Variants in ATP2B3 observed in about 807,000 individuals in gnomAD.
ATP2B3 encodes the protein plasma membrane calcium-transporting ATPase 3.
In ATP2B3, 12 loss-of-function variants were observed where a neutral mutation model predicts 70.8. The observed-to-expected ratio is 0.17, with a 90% confidence interval of 0.11 to 0.27. The LOEUF (loss-of-function observed/expected upper bound fraction) is 0.27. ATP2B3 is among the 10% of genes least tolerant of loss of function. The pLI, the probability that ATP2B3 is intolerant of heterozygous loss-of-function variation, is 1.00. For synonymous variants in ATP2B3, 460 were observed against 497.8 expected (o/e 0.92, Z 1.01); for missense variants, 858 against 1,118.5 (o/e 0.77, Z 3.32).
chrX:153,518,252 C>A lies in ATP2B3; in HGVS notation c.-246-180C>A, dbSNP rs373227355. On this transcript the variant is annotated intron_variant, in intron 1 of 21. Transcript: ENST00000263519. ...GCCCGCCAGTGCGCACGCACCTTCC[C>A]GGAGCCTCGGGCACCCCCTCCCCCC... Among the ~76,000 whole-genome samples the A allele has an allele frequency of 3.5e-5, 4 of 112,826 alleles. No individual in the cohort carries two copies. In the East Asian group the frequency reaches 1.1e-3, roughly 32 times the overall value.
chrX:153,540,135 T>C (rs2124401314), intron 3 of ATP2B3, among the ~76,000 whole-genome samples: 1 of 112,162 alleles, frequency 8.9e-6, no homozygotes, highest in African/African-American at 3.2e-5. Context: ...GCAGCGTAGG[T>C]TCTGTCCTGA....
At chrX:153,549,364 TG>T in intron 10 of ATP2B3, 132 bp from the exon 11 acceptor site, 1 of 1,130,929 alleles carries the variant, frequency 8.8e-7, no homozygotes, top group African/African-American at 1.8e-5. Context: ...GCTGACCAGG[TG>T]CCCAGTGGGC....
chrX:153,543,226 A>G, intron 7 of ATP2B3, 58 bp downstream of exon 7: 1 of 1,156,944 alleles, frequency 8.6e-7, no homozygotes, highest in East Asian at 3.1e-5. Context: ...CACGCTGCCC[A>G]TTCTTTCTTT....
chrX:153,556,559 C>G, intron 15 of ATP2B3, 141 bp downstream of exon 15: 2 of 653,086 alleles, frequency 3.1e-6, no homozygotes, highest in Non-Finnish European at 4.6e-6. Flanking sequence ...CCCAGAGCAG[C>G]AGGGCAGGGG....
chrX:153,547,616 G>A (rs2090388765), intron 8 of ATP2B3, among the ~76,000 whole-genome samples: 1 of 111,429 alleles, frequency 9.0e-6, no homozygotes. Flanking sequence ...AACCATCTCT[G>A]TCCCACCTAG....
rs782323474 is a variant in ATP2B3, at chrX:153,546,138, C to T, written c.958+9C>T. ...GAGTAGCCAGACCAAAGGTAACGGG[C>T]GCCGCTGCTTGGGCACAACAAGCTT... is the stretch of plus-strand genomic sequence containing the variant. On this transcript the variant is annotated intron_variant, in intron 8 of 21. Coordinates refer to ENST00000263519, the MANE Select transcript of ATP2B3 (RefSeq NM_001001344.3). 6.5e-5 allele frequency: 79 copies of T among 1,208,592 alleles called. No individual in the cohort carries two copies. The highest frequency in any genetic ancestry group is 3.0e-4 in the South Asian group (17 of 56,705).
intron 18 of ATP2B3, 41 bp from the exon 19 acceptor site, chrX:153,560,635 G>T (rs782473892): frequency 8.4e-7 from 1 of 1,188,273 alleles, no homozygotes; most frequent in East Asian, 3.0e-5. Context: ...TGCGTCATGC[G>T]CTGAGATGAC....
intron 2 of ATP2B3, among the ~76,000 whole-genome samples, chrX:153,534,609 C>G (rs2124372477): frequency 8.9e-6 from 1 of 112,716 alleles, no homozygotes; most frequent in South Asian, 3.7e-4. Flanking sequence ...CACATCAAGC[C>G]AGTGCCAGGC....
intron 21 of ATP2B3, among the ~76,000 whole-genome samples, chrX:153,577,032 C>A (rs1183923168): frequency 8.9e-6 from 1 of 112,579 alleles, no homozygotes; most frequent in African/African-American, 3.2e-5. Context: ...CACCAGGACT[C>A]CAGCCAAGCT....
intron 16 of ATP2B3, 102 bp from the exon 17 acceptor site, chrX:153,558,010 G>A: frequency 1.2e-6 from 1 of 821,422 alleles, no homozygotes; most frequent in Non-Finnish European, 1.7e-6. Context: ...TTATTCAGAA[G>A]GGGAGAGCAG....
chrX:153,560,610 C>A, intron 18 of ATP2B3, 66 bp from the exon 19 acceptor site: 1 of 1,131,768 alleles, frequency 8.8e-7, no homozygotes, highest in South Asian at 1.9e-5. Context: ...ACACCGAAGT[C>A]TCGCTCCTGA....
rs150288544 is a variant in ATP2B3, at chrX:153,521,247, G to A, written c.-127+2696G>A. Among the ~76,000 whole-genome samples the A allele has an allele frequency of 2.9e-4, 33 of 113,448 alleles. No homozygotes were observed. The East Asian group carries it at 9.2e-3, about 32-fold the overall frequency. On this transcript the variant is annotated intron_variant, in intron 2 of 21. Transcript: ENST00000263519. ...AAGCCAGGCCAAGCAGCGCCTGGCTGGAAAGCCCTCCCCTGCCTGGGCTCC... is the reference window on the plus strand; with the variant it reads ...AAGCCAGGCCAAGCAGCGCCTGGCTAGAAAGCCCTCCCCTGCCTGGGCTCC...
In ATP2B3 at chrX:153,546,128, A is replaced by G. The variant is rs782413741; in HGVS notation, c.957A>G (p.Lys319=). The G allele has an allele frequency of 1.7e-6, 2 of 1,211,062 alleles. No homozygotes were observed. The highest frequency in any genetic ancestry group is 4.3e-5 in the Admixed American group (2 of 46,049). Residue 319 remains lysine (K), a splice_region_variant and synonymous_variant, in exon 8 of 22, where the codon AAA becomes AAG. Coordinates refer to ENST00000263519, the MANE Select transcript of ATP2B3 (RefSeq NM_001001344.3). ...QDGAMESSQT[K]AKKQDGAVAM... ...GGGCCATGGAGAGTAGCCAGACCAA[A>G]GGTAACGGGCGCCGCTGCTTGGGCA...
intron 21 of ATP2B3, among the ~76,000 whole-genome samples, chrX:153,573,301 A>G (rs2090815577): frequency 8.9e-6 from 1 of 112,187 alleles, no homozygotes; most frequent in African/African-American, 3.2e-5. Context: ...ACTCCTTTCC[A>G]GGGCCCAGGG....
chrX:153,524,395 C>T (rs143317638), intron 2 of ATP2B3, among the ~76,000 whole-genome samples: 1,516 of 111,863 alleles, frequency 0.014, 27 homozygotes, highest in African/African-American at 0.048. Flanking sequence ...GACTACTCAA[C>T]TCTGCATGGT....
In ATP2B3 at chrX:153,548,764, G is replaced by T; in HGVS notation, c.1248G>T (p.Lys416Asn). The T allele has an allele frequency of 8.3e-7, 1 of 1,211,945 alleles. No homozygotes were observed. The highest frequency in any genetic ancestry group is 1.7e-5 in the African/African-American group (1 of 57,822). The change falls in exon 10 of 22, where the codon AAG (lysine) becomes AAT (asparagine). Residue 416 changes from lysine to asparagine, a missense_variant. Around this residue, in one of 5 missense-constraint regions of ATP2B3, gnomAD observed 278 missense variants for 366.2 expected, o/e 0.76. Transcript: ENST00000263519. Reference protein sequence around the residue: ...CTPVYVQYFVKFFIIGVTVLV... With the variant: ...CTPVYVQYFVNFFIIGVTVLV... ...CGGTCTATGTACAATACTTCGTGAA[G>T]TTCTTCATCATTGGTGTCACTGTGC...
At chrX:153,542,145 C>T (rs2090294161) in intron 5 of ATP2B3, among the ~76,000 whole-genome samples, 178 bp from the exon 6 acceptor site, 1 of 77,467 alleles carries the variant, frequency 1.3e-5, no homozygotes, top group African/African-American at 4.6e-5. Context: ...ATCAACTGTC[C>T]CCACAGCCTC....
Position 153,560,554 on chromosome X carries a change from T to C in ATP2B3, c.2840-122T>C, listed in dbSNP as rs1471788846. 22 of 806,554 alleles carry C rather than the reference T, an allele frequency of 2.7e-5. No individual in the cohort carries two copies. In the Admixed American group the frequency reaches 6.1e-4, roughly 22 times the overall value. The allele number at this position is 806,554 out of a possible 1,213,427, so 66.5% of individuals were successfully genotyped here. A position where few individuals can be genotyped will look rare whatever the true frequency, so the allele number is the denominator to read the frequency against. On this transcript the variant is annotated intron_variant, in intron 18 of 21. Coordinates refer to ENST00000263519, the MANE Select transcript of ATP2B3 (RefSeq NM_001001344.3). ...GCTGCCTTGGGCCTTGGCCGTGAGCTGGAAGTGGCCATCCCCTGGGACAAG... is the reference window on the plus strand; with the variant it reads ...GCTGCCTTGGGCCTTGGCCGTGAGCCGGAAGTGGCCATCCCCTGGGACAAG...
chrX:153,567,733 T>G (rs2090730393), intron 21 of ATP2B3, among the ~76,000 whole-genome samples: 1 of 111,032 alleles, frequency 9.0e-6, no homozygotes, highest in East Asian at 2.9e-4. Context: ...CTGAGTCCCC[T>G]GTTTTGCGTA....
Sources: gnomAD v4.1 joint callset for allele counts (sites outside exome capture counted in the v4.1 genomes callset) on GRCh38, gnomAD v4.1.1 for gene constraint, gnomAD v4.1.1 regional missense constraint, MANE v1.5 for transcripts, NCBI Gene and HGNC (gene_info 2026-07-23, HGNC 2026-07-21) for gene names.